Variants in YBX2 observed in about 807,000 individuals in gnomAD.
YBX2 encodes the protein Y-box-binding protein 2.
In YBX2, 5 loss-of-function variants were observed where a neutral mutation model predicts 44.4. The observed-to-expected ratio is 0.11, with a 90% CI of 0.06 to 0.24. YBX2 has a LOEUF of 0.24. YBX2 is among the 10% of genes least tolerant of loss of function. The pLI, the probability that YBX2 is intolerant of heterozygous loss-of-function variation, is 1.00. For synonymous variants in YBX2, 188 were observed against 216.1 expected (o/e 0.87, Z 1.14); for missense variants, 417 against 526.9 (o/e 0.79, Z 2.04).
In YBX2 at chr17:7,290,285, C is replaced by G. The variant is rs140175313; in HGVS notation, c.710G>C (p.Gly237Ala). Residue 237 changes from glycine to alanine, a missense_variant, in exon 5 of 9, where the codon GGC (glycine) becomes GCC (alanine). By Grantham distance (60) the Gly-to-Ala change is moderately conservative. Around this residue, in one of 3 missense-constraint regions of YBX2, gnomAD observed 257 missense variants for 261.7 expected, o/e 0.98. Coordinates refer to ENST00000007699, the MANE Select transcript of YBX2 (RefSeq NM_015982.4). The stretch of plus-strand genomic sequence containing the variant: ...CTGCTGCTGGTTGGGAGGCCGGGGG[C>G]CTCGCACAAACCGCCGTCGGTAGAA... ...PFFYRRRFVR[G>A]PRPPNQQQPI... 1 of 1,613,256 alleles carries G rather than the reference C, an allele frequency of 6.2e-7. No homozygotes were observed. Among genetic ancestry groups the G allele is most frequent in the Admixed American group, 1.7e-5 (1 of 59,950 alleles).
chr17:7,294,195 C>T lies in YBX2; in HGVS notation c.271+35G>A. The T allele has an allele frequency of 3.2e-6, 4 of 1,249,944 alleles. No individual in the cohort carries two copies. The highest frequency in any genetic ancestry group is 4.0e-6 in the Non-Finnish European group (4 of 1,000,610). 77.4% of individuals were successfully genotyped at this position (1,249,944 alleles called of 1,614,324 possible). On this transcript the variant is annotated intron_variant, in intron 1 of 8. Coordinates refer to ENST00000007699, the MANE Select transcript of YBX2 (RefSeq NM_015982.4). The surrounding 1 kb of genome is among the most constrained non-coding windows in gnomAD (Gnocchi z 4.6). ...ACTGCCCCTCCCCCAGCCCGCCGAC[C>T]CCTCAGAGCCGCCCTGTGCGCGCCT...
intron 2 of YBX2, 186 bp downstream of exon 2, chr17:7,293,289 T>TGCGGAGGAGGCTTCCTCTTGTC (rs1403863373): frequency 1.5e-5 from 15 of 1,022,196 alleles, no homozygotes; most frequent in Non-Finnish European, 1.9e-5. Context: ...CCCTTGAAGA[T>TGCGGAGGAGGCTTCCTCTTGTC]GCGGAGGAGG....
chr17:7,288,983 T>C (rs539699090), intron 7 of YBX2, 145 bp from the exon 8 acceptor site: 1 of 1,041,420 alleles, frequency 9.6e-7, no homozygotes, highest in Non-Finnish European at 1.4e-6. Context: ...TGCCTTAGCC[T>C]CCCAAGTAGC....
Position 7,294,602 on chromosome 17 carries a change from C to G in YBX2, c.-102G>C. On this transcript the variant is annotated 5_prime_UTR_variant, in exon 1 of 9. Coordinates refer to ENST00000007699, the MANE Select transcript of YBX2 (RefSeq NM_015982.4). The surrounding 1 kb of genome is among the most constrained non-coding windows in gnomAD (Gnocchi z 4.6). ...CGGTCCTCGCGCCCCGAGCCTCGCC[C>G]ACACGCCGGCAGCGGGCCCGGAGCC... 6.6e-6 allele frequency: 8 copies of G among 1,209,012 alleles called. No individual in the cohort carries two copies. The highest frequency in any genetic ancestry group is 8.2e-6 in the Non-Finnish European group (8 of 969,788). The allele number at this position is 1,209,012 out of a possible 1,614,324, so 74.9% of individuals were successfully genotyped here. A position where few individuals can be genotyped will look rare whatever the true frequency, so the allele number is the denominator to read the frequency against.
intron 4 of YBX2, 144 bp downstream of exon 4, chr17:7,290,948 GA>G: frequency 1.2e-6 from 1 of 844,916 alleles, no homozygotes; most frequent in Non-Finnish European, 2.0e-6. Flanking sequence ...TAGCATTAAG[GA>G]AGAGGACATC....
chr17:7,290,101 G>T, intron 5 of YBX2, 30 bp from the exon 6 acceptor site: 1 of 1,613,302 alleles, frequency 6.2e-7, no homozygotes, highest in Non-Finnish European at 8.5e-7. Context: ...CCGGTGAGCT[G>T]TGGGGACAGC....
At chr17:7,293,282 T>C in intron 2 of YBX2, 193 bp downstream of exon 2, 1 of 962,192 alleles carries the variant, frequency 1.0e-6, no homozygotes, top group Non-Finnish European at 1.6e-6. Flanking sequence ...TCCGCTACCC[T>C]TGAAGATGCG....
chr17:7,291,205 GAA>G lies in YBX2; in HGVS notation c.370-25_370-24del. ...TGTCTGATTGGGGAAAAGGCCATGT[GAA>G]AAGTGAGACAGCAAGACAGGAGTCT... On this transcript the variant is annotated intron_variant, in intron 3 of 8. Coordinates refer to ENST00000007699, the MANE Select transcript of YBX2 (RefSeq NM_015982.4). The surrounding 1 kb of genome is among the most constrained non-coding windows in gnomAD (Gnocchi z 5.8). The G allele has an allele frequency of 6.2e-7, 1 of 1,612,020 alleles. No homozygotes were observed. The highest frequency in any genetic ancestry group is 1.1e-5 in the South Asian group (1 of 91,010).
intron 2 of YBX2, 62 bp from the exon 3 acceptor site, chr17:7,292,121 G>A (rs2072505648): frequency 2.5e-6 from 4 of 1,598,028 alleles, no homozygotes; most frequent in Non-Finnish European, 3.4e-6. Context: ...TCCTCACTGA[G>A]GTCCCCCTAG....
chr17:7,292,371 G>A (rs1056454549), intron 2 of YBX2: 3 of 401,962 alleles, frequency 7.5e-6, no homozygotes, highest in Non-Finnish European at 1.4e-5. Context: ...TCCACCCCAG[G>A]CTAGCCTTAC....
chr17:7,290,424 C>G lies in YBX2; in HGVS notation c.571G>C (p.Ala191Pro). 1 of 1,613,756 alleles carries G rather than the reference C, an allele frequency of 6.2e-7. No individual in the cohort carries two copies. Among genetic ancestry groups the G allele is most frequent in the Non-Finnish European group, 8.5e-7 (1 of 1,179,930 alleles). Reference protein sequence around the residue: ...RRFIPRPPSVAPPPMVAEIPS... With the variant: ...RRFIPRPPSVPPPPMVAEIPS... ...ATCTCTGCCACCATGGGTGGTGGGG[C>G]AACTGAGGGAGGCCGGGGGATGAAT... Residue 191 changes from alanine to proline, a missense_variant, in exon 5 of 9, where the codon GCC becomes CCC. By Grantham distance (27) the Ala-to-Pro change is conservative. Around this residue, in one of 3 missense-constraint regions of YBX2, gnomAD observed 257 missense variants for 261.7 expected, o/e 0.98. Transcript: ENST00000007699.
intron 1 of YBX2, 114 bp from the exon 2 acceptor site, chr17:7,293,652 T>C: frequency 3.8e-6 from 6 of 1,560,884 alleles, no homozygotes; most frequent in South Asian, 1.2e-5. Context: ...TTATTACCTA[T>C]TCAGGTTACC....
At chr17:7,292,176 G>T in intron 2 of YBX2, 117 bp from the exon 3 acceptor site, 1 of 1,202,724 alleles carries the variant, frequency 8.3e-7, no homozygotes, top group Non-Finnish European at 1.2e-6. Context: ...CAGCATTCCA[G>T]TTAGGGGTGG....
At chr17:7,290,865 C>T (rs1482524018) in intron 4 of YBX2, among the ~76,000 whole-genome samples, 1 of 152,176 alleles carries the variant, frequency 6.6e-6, no homozygotes, top group Non-Finnish European at 1.5e-5. Flanking sequence ...TGTCGAAGTG[C>T]TTGGTGAACT....
chr17:7,292,950 C>T lies in YBX2; in HGVS notation c.335+525G>A, dbSNP rs1390690214. 1.7e-5 allele frequency: 3 copies of T among 180,850 alleles called. No homozygotes were observed. In the South Asian group the frequency reaches 3.4e-4, roughly 21 times the overall value. The allele number at this position is 180,850 out of a possible 1,614,324, so 11.2% of individuals were successfully genotyped here. On this transcript the variant is annotated intron_variant, in intron 2 of 8. Transcript: ENST00000007699. ...TCAGAATCCACTGCCACAGCCTCTC[C>T]CGGTGCTGAGGGGTGGGGCTGCCTA...
At chr17:7,292,284 CAAGGA>C in intron 2 of YBX2, 1 of 572,554 alleles carries the variant, frequency 1.7e-6, no homozygotes, top group Non-Finnish European at 3.2e-6. Flanking sequence ...CTGGACTTCA[CAAGGA>C]AAGGGCAGGC....
At position 7,291,229 on chromosome 17, in the gene YBX2, GTC is replaced by G; in HGVS notation, c.370-49_370-48del. The G allele has an allele frequency of 6.3e-7, 1 of 1,587,362 alleles. No individual in the cohort carries two copies. The highest frequency in any genetic ancestry group is 1.1e-5 in the South Asian group (1 of 90,442). On this transcript the variant is annotated intron_variant, in intron 3 of 8. Coordinates refer to ENST00000007699, the MANE Select transcript of YBX2 (RefSeq NM_015982.4). This position sits in a 1 kb window ranked among gnomAD's most constrained non-coding sequence, Gnocchi z 5.8. ...TGAAAAGTGAGACAGCAAGACAGGA[GTC>G]TCTGTCACCCCTGCTGGGGCCACCA...
intron 1 of YBX2, 193 bp from the exon 2 acceptor site, chr17:7,293,731 C>G (rs993193741): frequency 1.8e-6 from 2 of 1,100,978 alleles, no homozygotes; most frequent in Non-Finnish European, 2.5e-6. Context: ...TGAAATCACC[C>G]ACACAGGGAC....
intron 2 of YBX2, chr17:7,292,931 T>C (rs1262802713): frequency 5.7e-6 from 1 of 174,672 alleles, no homozygotes; most frequent in East Asian, 1.6e-4. Context: ...CTGCTCAGAA[T>C]CCACTGCCAC....
Sources: allele counts gnomAD v4.1 joint callset (sites outside exome capture counted in the v4.1 genomes callset), GRCh38; gene constraint gnomAD v4.1.1; regional missense constraint gnomAD v4.1.1; non-coding constraint Gnocchi (gnomAD v3.1); transcripts MANE v1.5; gene names NCBI Gene and HGNC (gene_info 2026-07-23, HGNC 2026-07-21).